CLIP2: variants seen among roughly 807,000 people sequenced by gnomAD.
The protein encoded by CLIP2 is CAP-Gly domain containing linker protein 2.
In CLIP2, 41 loss-of-function variants were observed where a neutral mutation model predicts 111.7. The ratio of observed to expected loss-of-function variants is 0.37; its 90% CI spans 0.29 to 0.48. The LOEUF is 0.48. Ranked by LOEUF, CLIP2 falls within the 20% of genes least tolerant of loss-of-function variation. CLIP2 has a pLI of 0.99. For synonymous variants in CLIP2, 660 were observed against 644.2 expected, an observed-to-expected ratio of 1.02 and a Z score of -0.37; for missense variants, 1,160 against 1,422.1, an observed-to-expected ratio of 0.82 and a Z score of 2.96.
At chr7:74,346,471 C>T (rs112099225) in intron 3 of CLIP2, among the ~76,000 whole-genome samples, 121 of 152,200 alleles carry the variant, frequency 8.0e-4, no homozygotes, top group African/African-American at 2.7e-3. Flanking sequence ...GCCTATAATC[C>T]TGGCATTTTG....
chr7:74,384,137 C>G (rs1174277593), intron 11 of CLIP2, among the ~76,000 whole-genome samples: 1 of 152,008 alleles, frequency 6.6e-6, no homozygotes, highest in Non-Finnish European at 1.5e-5. Flanking sequence ...TTGCAGTGAG[C>G]CAAGATCGCG....
intron 2 of CLIP2, among the ~76,000 whole-genome samples, chr7:74,337,130 C>T (rs555922841): frequency 3.3e-5 from 5 of 151,952 alleles, no homozygotes; most frequent in African/African-American, 7.2e-5. Context: ...TCAGGTGATC[C>T]GCCCACCTCA....
intron 8 of CLIP2, among the ~76,000 whole-genome samples, chr7:74,367,347 T>A (rs1352718320): frequency 6.6e-6 from 1 of 152,074 alleles, no homozygotes; most frequent in Non-Finnish European, 1.5e-5. Flanking sequence ...TCCACCACCA[T>A]GCCCGGCTAA....
At chr7:74,305,750 T>C (rs1242150473) in intron 1 of CLIP2, among the ~76,000 whole-genome samples, 5 of 151,586 alleles carry the variant, frequency 3.3e-5, no homozygotes, top group Admixed American at 3.3e-4. Flanking sequence ...TGTCTTGGCC[T>C]CCCAAAGTGC....
At chr7:74,371,423 C>T (rs58486846) in intron 8 of CLIP2, among the ~76,000 whole-genome samples, 2 of 146,632 alleles carry the variant, frequency 1.4e-5, no homozygotes, top group South Asian at 2.2e-4. Flanking sequence ...TGCCCACCGA[C>T]GGGGATAGGG....
intron 13 of CLIP2, 101 bp from the exon 14 acceptor site, chr7:74,396,973 C>T: frequency 7.0e-7 from 1 of 1,434,374 alleles, no homozygotes. Flanking sequence ...CCATGTCCCC[C>T]ACCAGTTGGT....
At chr7:74,309,952 A>C (rs1554728246) in intron 1 of CLIP2, among the ~76,000 whole-genome samples, 1 of 142,630 alleles carries the variant, frequency 7.0e-6, no homozygotes, top group Non-Finnish European at 1.5e-5. Context: ...TAATCCCAGC[A>C]CTTTGGGAGG....
At chr7:74,320,057 A>G (rs1788902461) in intron 2 of CLIP2, among the ~76,000 whole-genome samples, 1 of 150,450 alleles carries the variant, frequency 6.6e-6, no homozygotes, top group African/African-American at 2.5e-5. Flanking sequence ...CTCTACTAAA[A>G]ATACAAAAAT....
intron 13 of CLIP2, 59 bp downstream of exon 13, chr7:74,389,318 C>T (rs1243864511): frequency 6.9e-7 from 1 of 1,454,196 alleles, no homozygotes; most frequent in African/African-American, 1.4e-5. Context: ...TGCTCCTCTT[C>T]TTGACATTAG....
chr7:74,292,427 C>T (rs551908559), intron 1 of CLIP2, among the ~76,000 whole-genome samples: 15 of 152,290 alleles, frequency 9.8e-5, no homozygotes, highest in African/African-American at 3.1e-4. Context: ...TGCTCTGTCG[C>T]CCAGGCTGGA....
Position 74,377,221 on chromosome 7 carries a change from C to T in CLIP2, c.2421+399C>T, listed in dbSNP as rs1419837953. 1.3e-5 allele frequency among the ~76,000 whole-genome samples: 2 copies of T among 152,114 alleles called. 1 individual carries two copies. The highest frequency in any genetic ancestry group is 4.1e-4 in the South Asian group (2 of 4,826). ...GACCTGAAGGCAAGCTCTGCCTATCCCCCTGGGGGCACCCATCTCCAACTT... is the reference window on the plus strand; with the variant it reads ...GACCTGAAGGCAAGCTCTGCCTATCTCCCTGGGGGCACCCATCTCCAACTT... On this transcript the variant is annotated intron_variant, in intron 10 of 16. Transcript: ENST00000223398.
intron 10 of CLIP2, among the ~76,000 whole-genome samples, chr7:74,377,911 C>T (rs1208201856): frequency 8.0e-5 from 12 of 150,484 alleles, no homozygotes; most frequent in Admixed American, 7.3e-4. Context: ...CTGCAACCTC[C>T]GCCTCCCAGG....
intron 1 of CLIP2, among the ~76,000 whole-genome samples, chr7:74,302,745 C>T (rs1293504594): frequency 1.3e-5 from 2 of 152,218 alleles, no homozygotes; most frequent in Non-Finnish European, 2.9e-5. Flanking sequence ...TTTCATCTCC[C>T]TCCCTCCTGT....
Position 74,360,190 on chromosome 7 carries a change from G to T in CLIP2, c.1231G>T (p.Glu411Ter). The T allele has an allele frequency of 1.9e-6, 3 of 1,605,568 alleles. No homozygotes were observed. The highest frequency in any genetic ancestry group is 1.1e-5 in the South Asian group (1 of 89,262). Residue 411 changes from glutamate (E) to a stop codon, truncating the protein, a stop_gained, in exon 7 of 17, where the codon GAG becomes TAG. Coordinates refer to ENST00000223398, the MANE Select transcript of CLIP2 (RefSeq NM_003388.5). LOFTEE classifies it high-confidence loss of function. Reference sequence around the variant, plus strand: ...GGGGGCCCAGTATGTTGCAGAAGCCGAGGAGAAGCTGCAGCGAGCCCGGCT... The same window carrying T: ...GGGGGCCCAGTATGTTGCAGAAGCCTAGGAGAAGCTGCAGCGAGCCCGGCT... ...AQHEQYVAEAEEKLQRARLLV... is the reference protein window; with the variant it reads ...AQHEQYVAEA
At chr7:74,321,726 C>A (rs1382489560) in intron 2 of CLIP2, among the ~76,000 whole-genome samples, 5 of 151,828 alleles carry the variant, frequency 3.3e-5, no homozygotes, top group African/African-American at 7.3e-5. Flanking sequence ...CCTTGGCCCC[C>A]CAAAGTGCTG....
intron 13 of CLIP2, among the ~76,000 whole-genome samples, chr7:74,390,122 A>G (rs1241285858): frequency 7.0e-5 from 9 of 128,018 alleles, no homozygotes; most frequent in African/African-American, 2.5e-4. Context: ...AAAGAAAGAA[A>G]AGAGAGAGAG....
Position 74,331,749 on chromosome 7 carries a change from T to G in CLIP2, c.122-6699T>G, listed in dbSNP as rs565376490. The stretch of plus-strand genomic sequence containing the variant: ...CCACCACACCCAGCTAATTTTGTGT[T>G]TTTTAAGTAGAGACGGGGTTTCACC... On this transcript the variant is annotated intron_variant, in intron 2 of 16. Transcript: ENST00000223398. Among the ~76,000 whole-genome samples, 7 of 151,290 alleles carry G rather than the reference T, an allele frequency of 4.6e-5. No homozygotes were observed. The South Asian group carries it at 1.3e-3, about 27-fold the overall frequency.
rs1454075423 is a variant in CLIP2, at chr7:74,403,996, C to T, written c.*148C>T. On this transcript the variant is annotated 3_prime_UTR_variant, in exon 17 of 17. Transcript: ENST00000223398. ...TAACGTACTCACCGCCGCGGACAAT[C>T]CCCCACCCCGATCCCTCGCCAGACC... The T allele has an allele frequency of 3.5e-6, 3 of 857,498 alleles. No individual in the cohort carries two copies. Among genetic ancestry groups the T allele is most frequent in the Non-Finnish European group, 3.9e-6 (2 of 516,028 alleles). 53.1% of individuals were successfully genotyped at this position (857,498 alleles called of 1,614,324 possible). A position where few individuals can be genotyped will look rare whatever the true frequency, so the allele number is the denominator to read the frequency against.
At chr7:74,291,927 T>TTG (rs1343591315) in intron 1 of CLIP2, among the ~76,000 whole-genome samples, 5 of 150,050 alleles carry the variant, frequency 3.3e-5, no homozygotes, top group African/African-American at 1.2e-4. Flanking sequence ...TGCCCTCTTT[T>TTG]TTTTTTTTTT....
Sources: allele counts gnomAD v4.1 joint callset (sites outside exome capture counted in the v4.1 genomes callset), GRCh38; gene constraint gnomAD v4.1.1; transcripts MANE v1.5; gene names NCBI Gene and HGNC (gene_info 2026-07-23, HGNC 2026-07-21).